The following PHACTR3 variants were observed in gnomAD, a reference collection of about 807,000 sequenced individuals.
PHACTR3 encodes the protein protein phosphatase 1, regulatory subunit 123.
In PHACTR3, 16 loss-of-function variants were observed where a neutral mutation model predicts 66.8. The observed-to-expected ratio is 0.24, with a 90% CI of 0.16 to 0.36. The LOEUF (loss-of-function observed/expected upper bound fraction) is 0.36. PHACTR3 is among the 10% of genes least tolerant of loss of function. The pLI is 1.00. For missense variants in PHACTR3, 647 were observed against 719.9 expected, an observed-to-expected ratio of 0.90 and a Z score of 1.16; for synonymous variants, 323 against 292.1, an observed-to-expected ratio of 1.11 and a Z score of -1.08.
chr20:59,681,942 G>A (rs1202036205), intron 1 of PHACTR3, among the ~76,000 whole-genome samples: 1 of 151,862 alleles, frequency 6.6e-6, no homozygotes, highest in African/African-American at 2.4e-5. Flanking sequence ...CCCAGGGGGT[G>A]GAGGTTGCGG....
chr20:59,716,125 T>C (rs2038082042), intron 1 of PHACTR3, among the ~76,000 whole-genome samples: 1 of 152,042 alleles, frequency 6.6e-6, no homozygotes, highest in African/African-American at 2.4e-5. Context: ...CCACCCCATG[T>C]TTTCAGTCTC....
chr20:59,685,552 A>C (rs2036833091), intron 1 of PHACTR3, among the ~76,000 whole-genome samples: 1 of 152,240 alleles, frequency 6.6e-6, no homozygotes, highest in Non-Finnish European at 1.5e-5. Context: ...TGAATGCTCC[A>C]GGAGGGTTCA....
At chr20:59,807,623 T>C (rs1486121239) in intron 8 of PHACTR3, among the ~76,000 whole-genome samples, 1 of 152,200 alleles carries the variant, frequency 6.6e-6, no homozygotes, top group African/African-American at 2.4e-5. Flanking sequence ...TTACACGCAC[T>C]AGACTTTGAG....
rs2042278580 is a variant in PHACTR3 at position 59,829,270 on chromosome 20, A to G, written c.1329-7235A>G. Among the ~76,000 whole-genome samples the G allele has an allele frequency of 1.3e-5, 2 of 152,140 alleles. No individual in the cohort carries two copies. On this transcript the variant is annotated intron_variant, in intron 8 of 12. Coordinates refer to ENST00000371015, the MANE Select transcript of PHACTR3 (RefSeq NM_080672.5). The surrounding 1 kb of genome is among the most constrained non-coding windows in gnomAD (Gnocchi z 4.2). ...ACCAGCAGCCAGCACCTCTCAGCTG[A>G]GCCCTCAGTCGGCAGAACATCCCTG...
intron 1 of PHACTR3, among the ~76,000 whole-genome samples, chr20:59,664,810 G>A (rs16982999): frequency 0.046 from 6,995 of 152,188 alleles, 287 homozygotes; most frequent in East Asian, 0.12. Context: ...GCCAGATGCC[G>A]CCTTTCACAA....
intron 1 of PHACTR3, among the ~76,000 whole-genome samples, chr20:59,585,178 T>C (rs1457836513): frequency 6.6e-6 from 1 of 152,162 alleles, no homozygotes; most frequent in East Asian, 1.9e-4. Context: ...GATCTGGCTT[T>C]GGACATCACA....
chr20:59,650,443 G>A (rs551297568), intron 1 of PHACTR3, among the ~76,000 whole-genome samples: 7 of 152,146 alleles, frequency 4.6e-5, no homozygotes, highest in African/African-American at 1.4e-4. Context: ...TCAAAGGAAG[G>A]CACTATTGCT....
At chr20:59,786,049 TTC>T (rs2040903349) in intron 7 of PHACTR3, among the ~76,000 whole-genome samples, 1 of 152,250 alleles carries the variant, frequency 6.6e-6, no homozygotes, top group Non-Finnish European at 1.5e-5. Flanking sequence ...CAGAATATCC[TTC>T]CCCTGTGATG....
At chr20:59,774,189 T>C in intron 6 of PHACTR3, 54 bp from the exon 7 acceptor site, 1 of 1,521,956 alleles carries the variant, frequency 6.6e-7, no homozygotes, top group East Asian at 2.3e-5. Flanking sequence ...TCAATCGTGC[T>C]GGGTTTCTGG....
At chr20:59,650,049 A>G (rs2035411437) in intron 1 of PHACTR3, among the ~76,000 whole-genome samples, 1 of 152,218 alleles carries the variant, frequency 6.6e-6, no homozygotes, top group African/African-American at 2.4e-5. Flanking sequence ...ATAAAATAAT[A>G]TTCACAATGC....
chr20:59,727,335 T>C (rs1224868270), intron 1 of PHACTR3, among the ~76,000 whole-genome samples: 2 of 152,092 alleles, frequency 1.3e-5, no homozygotes, highest in African/African-American at 4.8e-5. Flanking sequence ...ATGTGTCCAT[T>C]TGTCCGCTGA....
In PHACTR3 at chr20:59,830,796, G is replaced by A. The variant is rs1301113027; in HGVS notation, c.1329-5709G>A. On this transcript the variant is annotated intron_variant, in intron 8 of 12. Transcript: ENST00000371015. This position sits in a 1 kb window ranked among gnomAD's most constrained non-coding sequence, Gnocchi z 5.8. Reference sequence around the variant, plus strand: ...GGAATCAGAGGCTCAAGTAAGGGAGGGCGTGACGCCATCACCCAGCTGGCA... The same window carrying A: ...GGAATCAGAGGCTCAAGTAAGGGAGAGCGTGACGCCATCACCCAGCTGGCA... Among the ~76,000 whole-genome samples, 1 of 152,152 alleles carries A rather than the reference G, an allele frequency of 6.6e-6. No individual in the cohort carries two copies. Among genetic ancestry groups the A allele is most frequent in the Non-Finnish European group, 1.5e-5 (1 of 68,036 alleles).
At chr20:59,588,996 G>C (rs2146309344) in intron 1 of PHACTR3, among the ~76,000 whole-genome samples, 1 of 152,290 alleles carries the variant, frequency 6.6e-6, no homozygotes, top group East Asian at 1.9e-4. Flanking sequence ...AGCTGCTGAT[G>C]GCCCCCCAGG....
chr20:59,589,194 G>C (rs1419415996), intron 1 of PHACTR3, among the ~76,000 whole-genome samples: 1 of 152,198 alleles, frequency 6.6e-6, no homozygotes, highest in Admixed American at 6.5e-5. Flanking sequence ...AGAAGTGAAT[G>C]TTATTCTCCC....
chr20:59,815,983 G>A (rs1272471174), intron 8 of PHACTR3, among the ~76,000 whole-genome samples: 1 of 151,840 alleles, frequency 6.6e-6, no homozygotes, highest in Non-Finnish European at 1.5e-5. Flanking sequence ...GATGGTTTTG[G>A]GATGATTCAA....
At chr20:59,622,981 C>CAAAAAAAAAAAAAAAAAAAAAAA (rs71183177) in intron 1 of PHACTR3, among the ~76,000 whole-genome samples, 1,487 of 32,108 alleles carry the variant, frequency 0.046, 526 homozygotes, top group Middle Eastern at 0.11. Context: ...CAGCTTTAAC[C>CAAAAAAAAAAAAAAAAAAAAAAA]AAAAAAAAAA....
intron 8 of PHACTR3, among the ~76,000 whole-genome samples, chr20:59,825,065 T>G (rs1171292535): frequency 1.3e-5 from 2 of 152,330 alleles, no homozygotes; most frequent in African/African-American, 4.8e-5. Context: ...TCTGTTCATT[T>G]TGCTGTGCCA....
intron 8 of PHACTR3, among the ~76,000 whole-genome samples, chr20:59,810,090 C>A (rs1195506862): frequency 6.6e-6 from 1 of 151,050 alleles, no homozygotes; most frequent in Non-Finnish European, 1.5e-5. Context: ...ATCTAAACAA[C>A]AAAAAAAAAG....
chr20:59,622,425 C>T (rs556382560), intron 1 of PHACTR3, among the ~76,000 whole-genome samples: 1 of 152,184 alleles, frequency 6.6e-6, no homozygotes, highest in Non-Finnish European at 1.5e-5. Flanking sequence ...GGCACGTGAC[C>T]TTTGCAGGAT....
Sources: gnomAD v4.1 joint callset for allele counts (sites outside exome capture counted in the v4.1 genomes callset) on GRCh38, gnomAD v4.1.1 for gene constraint, Gnocchi (gnomAD v3.1) non-coding constraint, MANE v1.5 for transcripts, NCBI Gene and HGNC (gene_info 2026-07-23, HGNC 2026-07-21) for gene names.